Variants in BRCA1 observed in about 807,000 individuals in gnomAD.
BRCA1 encodes BRCA1 DNA repair associated, also known as breast cancer type 1 susceptibility protein.
A neutral mutation model predicts 173.7 loss-of-function variants in BRCA1; 140 were observed. That is an observed-to-expected ratio of 0.81 (90% CI 0.70 to 0.93). The LOEUF (loss-of-function observed/expected upper bound fraction) is 0.93, where lower values mean the gene tolerates loss of function less well. BRCA1 is among the 40% of genes least tolerant of loss of function. The pLI is 0.00. For missense variants in BRCA1, 1,983 were observed against 2,172.5 expected, an observed-to-expected ratio of 0.91 and a Z score of 1.73; for synonymous variants, 662 against 756.0, an observed-to-expected ratio of 0.88 and a Z score of 2.04.
At chr17:43,072,931 G>A (rs150577181) in intron 14 of BRCA1, among the ~76,000 whole-genome samples, 1 of 151,090 alleles carries the variant, frequency 6.6e-6, no homozygotes, top group Non-Finnish European at 1.5e-5. Flanking sequence ...TGCCCAGGCT[G>A]GTCTTGAACT....
chr17:43,070,971 T>C lies in BRCA1; in HGVS notation c.4943A>G (p.Lys1648Arg), dbSNP rs201810810. 1 of 1,614,252 alleles carries C rather than the reference T, an allele frequency of 6.2e-7. No homozygotes were observed. Among genetic ancestry groups the C allele is most frequent in the East Asian group, 2.2e-5 (1 of 44,886 alleles). The change falls in exon 15 of 23, where the codon AAA becomes AGA. Residue 1648 changes from lysine to arginine, a missense_variant. Transcript: ENST00000357654. Reference sequence around the variant, plus strand: ...GCCAGACACCACCATGGACATTCTTTTGTTGACCCTTTCTGTTGAAGCTGT... The same window carrying C: ...GCCAGACACCACCATGGACATTCTTCTGTTGACCCTTTCTGTTGAAGCTGT... The part of the protein sequence containing the change: ...ELTASTERVN[K>R]RMSMVVSGLT...
intron 1 of BRCA1, among the ~76,000 whole-genome samples, chr17:43,151,822 A>G (rs980507241): frequency 2.6e-5 from 4 of 152,146 alleles, no homozygotes; most frequent in African/African-American, 7.2e-5. Flanking sequence ...CTTCAGCACA[A>G]CTGTTCAAGG....
chr17:43,165,842 T>G (rs2056263250), intron 1 of BRCA1: 1 of 151,820 alleles, frequency 6.6e-6, no homozygotes, highest in Admixed American at 6.6e-5. Flanking sequence ...CTGTTAACTT[T>G]TAGCAAACTT....
At chr17:43,145,365 C>T (rs1271906262) in intron 1 of BRCA1, 12 of 406,784 alleles carry the variant, frequency 2.9e-5, no homozygotes, top group Non-Finnish European at 4.6e-5. Context: ...CTCGCTCTGT[C>T]GCCCAGGCTG....
rs1597838919 is a variant in BRCA1 at position 43,076,456 on chromosome 17, T to C, written c.4484+32A>G. 1.2e-6 allele frequency: 2 copies of C among 1,610,734 alleles called. No homozygotes were observed. The highest frequency in any genetic ancestry group is 8.5e-7 in the Non-Finnish European group (1 of 1,177,648). ...GTTCAATATAAATAAAGATGTCAGA[T>C]ACCACAGCATCTTTACATTGATGTT... On this transcript the variant is annotated intron_variant, in intron 13 of 22. Coordinates refer to ENST00000357654, the MANE Select transcript of BRCA1 (RefSeq NM_007294.4).
chr17:43,051,071 ATGT>A lies in BRCA1; in HGVS notation c.5321_5323del (p.Asn1774del). On this transcript the variant is annotated inframe_deletion, in exon 20 of 23. Coordinates refer to ENST00000357654, the MANE Select transcript of BRCA1 (RefSeq NM_007294.4). The stretch of plus-strand genomic sequence containing the variant: ...TTCTCCCAGGCTCTTACCTGTGGGC[ATGT>A]TGGTGAAGGGCCCATAGCAACAGAT... 1 of 1,614,054 alleles carries A rather than the reference ATGT, an allele frequency of 6.2e-7. No homozygotes were observed. Among genetic ancestry groups the A allele is most frequent in the Non-Finnish European group, 8.5e-7 (1 of 1,179,950 alleles).
upstream of BRCA1, chr17:43,125,590 G>T (rs1402181338): frequency 3.3e-6 from 1 of 301,808 alleles, no homozygotes; most frequent in Admixed American, 4.5e-5. Flanking sequence ...GGAAGAGGAA[G>T]AATTCTACCT....
rs777491912 is a variant in BRCA1, at chr17:43,104,911, T to A, written c.258A>T (p.Leu86=). The stretch of plus-strand genomic sequence containing the variant: ...GCTGAAAAGCACAAATGATTTTCAA[T>A]AGCTCTTCAACAAGTTGACTAAATC... ...STRFSQLVEE[L]LKIICAFQLD... is the part of the protein sequence containing the mutation. The change falls in exon 5 of 23, where the codon CTA becomes CTT. Residue 86 remains leucine (L), a synonymous_variant. Coordinates refer to ENST00000357654, the MANE Select transcript of BRCA1 (RefSeq NM_007294.4). 6.2e-6 allele frequency: 10 copies of A among 1,613,996 alleles called. No homozygotes were observed. The highest frequency in any genetic ancestry group is 6.8e-6 in the Non-Finnish European group (8 of 1,179,980).
In BRCA1 at chr17:43,094,395, A is replaced by G. The variant is rs1567800757; in HGVS notation, c.1136T>C (p.Ile379Thr). 1 of 1,614,168 alleles carries G rather than the reference A, an allele frequency of 6.2e-7. No homozygotes were observed. The highest frequency in any genetic ancestry group is 8.5e-7 in the Non-Finnish European group (1 of 1,180,018). ...DVPWITLNSS[I>T]QKVNEWFSRS... is the part of the protein sequence containing the mutation. ...GGAAAACCACTCATTAACTTTCTGA[A>G]TGCTGCTATTTAGTGTTATCCAAGG... Residue 379 changes from isoleucine (I) to threonine (T), a missense_variant, in exon 10 of 23, where the codon ATT becomes ACT. Transcript: ENST00000357654.
rs542687218 is a variant in BRCA1, at chr17:43,104,137, G to A, written c.426C>T (p.Pro142=). ...ATGGTTTTACCAAGGAAGGATTTTC[G>A]GGTTCACTCTGTAGAAGTCTTTTGG... ...NRAKRLLQSE[P]ENPSLQETSL... The change falls in exon 6 of 23, where the codon CCC becomes CCT. Residue 142 remains proline (P), a synonymous_variant. Transcript: ENST00000357654. 9.3e-6 allele frequency: 15 copies of A among 1,613,542 alleles called. No individual in the cohort carries two copies. The highest frequency in any genetic ancestry group is 5.0e-5 in the Admixed American group (3 of 59,970).
At position 43,045,310 on chromosome 17, in the gene BRCA1, T is replaced by C. The variant is rs1165216396; in HGVS notation, c.*368A>G. 4 of 559,452 alleles carry C rather than the reference T, an allele frequency of 7.1e-6. No homozygotes were observed. The highest frequency in any genetic ancestry group is 3.7e-5 in the African/African-American group (2 of 54,642). 34.7% of individuals were successfully genotyped at this position (559,452 alleles called of 1,614,324 possible). A position where few individuals can be genotyped will look rare whatever the true frequency, so the allele number is the denominator to read the frequency against. ...AAACTTAGGGAAACCAGCTATTCTC[T>C]TGAGGCCAAGCCACTCTGTGCTTCC... On this transcript the variant is annotated 3_prime_UTR_variant, in exon 23 of 23. Coordinates refer to ENST00000357654, the MANE Select transcript of BRCA1 (RefSeq NM_007294.4).
rs8176204 is a variant in BRCA1, at chr17:43,077,746, T to A, written c.4358-1132A>T. Among the ~76,000 whole-genome samples the A allele has an allele frequency of 0.53, 47,947 of 91,180 alleles. 7,893 individuals are homozygous for A. The highest frequency in any genetic ancestry group is 0.65 in the South Asian group (2,363 of 3,612). 59.8% of individuals were successfully genotyped at this position (91,180 alleles called of 152,430 possible). A position where few individuals can be genotyped will look rare whatever the true frequency, so the allele number is the denominator to read the frequency against. ...ATTTATTTATTTTTATTTATTTATTTTTTTTGAGATGGAGTTTGCTCTTGT... is the reference window on the plus strand; with the variant it reads ...ATTTATTTATTTTTATTTATTTATTATTTTTGAGATGGAGTTTGCTCTTGT... On this transcript the variant is annotated intron_variant, in intron 12 of 22. Coordinates refer to ENST00000357654, the MANE Select transcript of BRCA1 (RefSeq NM_007294.4).
intron 6 of BRCA1, among the ~76,000 whole-genome samples, chr17:43,102,965 T>C (rs988392399): frequency 8.8e-5 from 13 of 147,420 alleles, no homozygotes; most frequent in African/African-American, 2.9e-4. Flanking sequence ...TTTTTTTTAA[T>C]TGCAGAGACA....
chr17:43,144,545 G>A (rs115127596), intron 1 of BRCA1, among the ~76,000 whole-genome samples: 632 of 152,282 alleles, frequency 4.2e-3, no homozygotes, highest in African/African-American at 0.015. Context: ...AACAAGGCAG[G>A]GAAAGATGGC....
At chr17:43,127,989 A>G (rs2055928673), upstream of BRCA1, among the ~76,000 whole-genome samples, 1 of 136,026 alleles carries the variant, frequency 7.4e-6, no homozygotes, top group South Asian at 2.4e-4. Context: ...GCACCACTGC[A>G]TTCCAGCCTG....
At chr17:43,097,609 CA>C (rs975193742) in intron 7 of BRCA1, among the ~76,000 whole-genome samples, 2 of 150,536 alleles carry the variant, frequency 1.3e-5, no homozygotes, top group Admixed American at 6.6e-5. Context: ...AAAACAAAAA[CA>C]AAAAAAAAGC....
intron 3 of BRCA1, among the ~76,000 whole-genome samples, chr17:43,111,588 AAGGCGGGCAGATCACG>A (rs940831098): frequency 1.3e-5 from 2 of 151,904 alleles, no homozygotes; most frequent in Non-Finnish European, 2.9e-5. Context: ...TAGGGAGGCC[AAGGCGGGCAGATCACG>A]AGGTCAGGAG....
intron 3 of BRCA1, among the ~76,000 whole-genome samples, chr17:43,107,173 TC>T (rs1186593709): frequency 6.6e-6 from 1 of 150,958 alleles, no homozygotes; most frequent in Non-Finnish European, 1.5e-5. Context: ...CACGCCATTC[TC>T]CTGCCTCAGC....
At chr17:43,098,964 T>A (rs2054252388) in intron 7 of BRCA1, among the ~76,000 whole-genome samples, 1 of 150,686 alleles carries the variant, frequency 6.6e-6, no homozygotes. Context: ...ATTACAGGCA[T>A]AAGCCACCAC....
Sources: allele counts gnomAD v4.1 joint callset (sites outside exome capture counted in the v4.1 genomes callset), GRCh38; gene constraint gnomAD v4.1.1; transcripts MANE v1.5; gene names NCBI Gene and HGNC (gene_info 2026-07-23, HGNC 2026-07-21).